Variants in RIMS1 observed in about 807,000 individuals in gnomAD.
RIMS1 encodes regulating synaptic membrane exocytosis 1.
In RIMS1, 83 loss-of-function variants were observed where a neutral mutation model predicts 214.1. The observed-to-expected ratio is 0.39, with a 90% confidence interval of 0.32 to 0.47. The LOEUF is 0.47. Among genes scored for constraint, RIMS1 ranks in the 20% least tolerant of loss-of-function variants. The pLI is 0.99. For synonymous variants in RIMS1, 793 were observed against 786.8 expected (o/e 1.01, Z -0.13); for missense variants, 2,050 against 2,161.8 (o/e 0.95, Z 1.03).
intron 1 of RIMS1, among the ~76,000 whole-genome samples, chr6:71,959,596 ATTT>A (rs1225067523): frequency 6.6e-6 from 1 of 151,426 alleles, no homozygotes; most frequent in Non-Finnish European, 1.5e-5. Context: ...ACCAAATTTC[ATTT>A]TTTTATCCTT....
chr6:71,939,459 TCCAGTA>T (rs779032121), intron 1 of RIMS1, among the ~76,000 whole-genome samples: 1 of 152,276 alleles, frequency 6.6e-6, no homozygotes, highest in Non-Finnish European at 1.5e-5. Context: ...CAAGCCCTCT[TCCAGTA>T]CCAATTTTCT....
chr6:72,113,860 A>T (rs1463894395), intron 4 of RIMS1, among the ~76,000 whole-genome samples: 1 of 152,226 alleles, frequency 6.6e-6, no homozygotes, highest in Non-Finnish European at 1.5e-5. Context: ...ATTAGTGGTT[A>T]GTCCTATGCA....
chr6:72,015,424 T>G (rs533747768), intron 2 of RIMS1, among the ~76,000 whole-genome samples: 1 of 152,340 alleles, frequency 6.6e-6, no homozygotes, highest in South Asian at 2.1e-4. Flanking sequence ...TAACAAGTTA[T>G]TTGTGGCCTG....
intron 6 of RIMS1, among the ~76,000 whole-genome samples, chr6:72,206,028 A>G (rs2463753): frequency 0.71 from 107,672 of 151,922 alleles, 38,494 homozygotes; most frequent in East Asian, 0.84. Flanking sequence ...ACCAAAATGA[A>G]TATACTTATA....
chr6:71,902,134 T>C (rs1469282289), intron 1 of RIMS1, among the ~76,000 whole-genome samples: 1 of 151,572 alleles, frequency 6.6e-6, no homozygotes, highest in African/African-American at 2.4e-5. Context: ...GTGGAGGAGG[T>C]GGTTTGAATA....
At chr6:71,898,022 A>C (rs77995303) in intron 1 of RIMS1, among the ~76,000 whole-genome samples, 15,421 of 152,164 alleles carry the variant, frequency 0.1, 1,015 homozygotes, top group Non-Finnish European at 0.14. Context: ...CTTATGAGGA[A>C]AATATATTGG....
chr6:72,303,310 A>G (rs1454922325), intron 26 of RIMS1, among the ~76,000 whole-genome samples: 2 of 150,814 alleles, frequency 1.3e-5, no homozygotes, highest in Non-Finnish European at 3.0e-5. Flanking sequence ...TGAAAGGGAT[A>G]GATCTAGAAA....
At chr6:72,337,406 A>T (rs1170389261) in intron 29 of RIMS1, among the ~76,000 whole-genome samples, 4 of 151,838 alleles carry the variant, frequency 2.6e-5, no homozygotes. Context: ...ACTAATCAGT[A>T]TCATAAGAAT....
At chr6:71,906,465 A>G (rs1459761403) in intron 1 of RIMS1, among the ~76,000 whole-genome samples, 7 of 152,346 alleles carry the variant, frequency 4.6e-5, no homozygotes, top group African/African-American at 1.7e-4. Flanking sequence ...AAAAGAAAAC[A>G]GAAAAAATAA....
intron 2 of RIMS1, among the ~76,000 whole-genome samples, chr6:72,064,370 GAGGAACGAAGGA>G (rs1164030769): frequency 6.6e-5 from 10 of 152,000 alleles, no homozygotes; most frequent in East Asian, 5.8e-4. Flanking sequence ...GGAAGGAAGG[GAGGAACGAAGGA>G]AGGAACGAAG....
intron 4 of RIMS1, among the ~76,000 whole-genome samples, chr6:72,103,844 A>C (rs11758304): frequency 0.12 from 18,197 of 152,154 alleles, 1,356 homozygotes; most frequent in South Asian, 0.18. Context: ...TTGCAAGGGA[A>C]TGAAGTAGTA....
chr6:72,313,397 T>A (rs958893037), intron 27 of RIMS1, 109 bp from the exon 28 acceptor site: 6 of 858,394 alleles, frequency 7.0e-6, no homozygotes, highest in African/African-American at 1.7e-5. Flanking sequence ...GCTACTCTTA[T>A]GAAGGTACAC....
At position 72,247,223 on chromosome 6, in the gene RIMS1, A is replaced by G. The variant is rs182474880; in HGVS notation, c.2129-792A>G. Among the ~76,000 whole-genome samples the G allele has an allele frequency of 8.7e-4, 132 of 152,236 alleles. 1 individual carries two copies. The highest frequency in any genetic ancestry group is 3.1e-3 in the African/African-American group (130 of 41,556). On this transcript the variant is annotated intron_variant, in intron 11 of 33. Transcript: ENST00000521978. ...CCATGTGAAGTTGAAACAAATCACT[A>G]GTGGTGAATTACTTGAAGCAGCATT...
intron 6 of RIMS1, among the ~76,000 whole-genome samples, chr6:72,196,716 G>A (rs1163545159): frequency 1.3e-5 from 2 of 150,812 alleles, no homozygotes; most frequent in Admixed American, 1.3e-4. Context: ...AAAGTGATGA[G>A]AAAAGGTGAA....
At chr6:71,944,786 A>G (rs1436215494) in intron 1 of RIMS1, among the ~76,000 whole-genome samples, 1 of 152,210 alleles carries the variant, frequency 6.6e-6, no homozygotes, top group Non-Finnish European at 1.5e-5. Context: ...CTAAAATATT[A>G]CAATGTATGC....
chr6:71,973,116 G>T (rs1239686983), intron 2 of RIMS1, among the ~76,000 whole-genome samples: 1 of 152,154 alleles, frequency 6.6e-6, no homozygotes, highest in Non-Finnish European at 1.5e-5. Context: ...CACCATGTTG[G>T]TCAGGCTGGT....
chr6:72,225,182 T>C (rs1351074249), intron 6 of RIMS1, among the ~76,000 whole-genome samples: 1 of 152,124 alleles, frequency 6.6e-6, no homozygotes, highest in Non-Finnish European at 1.5e-5. Context: ...ATCTCTGGTG[T>C]CAAAACTTGT....
intron 24 of RIMS1, among the ~76,000 whole-genome samples, chr6:72,289,907 A>G (rs1416306194): frequency 6.6e-6 from 1 of 152,194 alleles, no homozygotes; most frequent in African/African-American, 2.4e-5. Context: ...ATGCATTAAA[A>G]AAATAAGTAC....
intron 29 of RIMS1, among the ~76,000 whole-genome samples, chr6:72,375,157 C>T (rs1411948869): frequency 6.6e-6 from 1 of 152,130 alleles, no homozygotes; most frequent in East Asian, 1.9e-4. Flanking sequence ...GGTTGGGGAC[C>T]CCTGCTTTAA....
Sources: gnomAD v4.1 joint callset for allele counts (sites outside exome capture counted in the v4.1 genomes callset) on GRCh38, gnomAD v4.1.1 for gene constraint, MANE v1.5 for transcripts, NCBI Gene and HGNC (gene_info 2026-07-23, HGNC 2026-07-21) for gene names.